Variants in THSD4 observed in about 807,000 individuals in gnomAD.
THSD4 encodes thrombospondin type-1 domain-containing protein 4.
A neutral mutation model predicts 119.0 loss-of-function variants in THSD4; 69 were observed. That is an observed-to-expected ratio of 0.58 (90% confidence interval 0.48 to 0.71). The LOEUF (loss-of-function observed/expected upper bound fraction) is 0.71, where lower values mean the gene tolerates loss of function less well. Among genes scored for constraint, THSD4 ranks in the 30% least tolerant of loss-of-function variants. THSD4 has a pLI of 0.00. For synonymous variants in THSD4, 524 were observed against 540.4 expected (o/e 0.97, Z 0.42); for missense variants, 1,393 against 1,391.1 (o/e 1.00, Z -0.02).
At chr15:71,526,748 A>G (rs1006857527) in intron 7 of THSD4, among the ~76,000 whole-genome samples, 3 of 152,190 alleles carry the variant, frequency 2.0e-5, no homozygotes, top group African/African-American at 7.2e-5. Context: ...TTGTGTAGCA[A>G]TGGCACACAG....
intron 7 of THSD4, among the ~76,000 whole-genome samples, chr15:71,424,207 G>A (rs762858094): frequency 2.6e-5 from 4 of 152,204 alleles, no homozygotes; most frequent in South Asian, 2.1e-4. Flanking sequence ...TAAATTTGGC[G>A]TTCCTGTGTG....
chr15:71,393,404 A>G (rs12910319), intron 6 of THSD4, among the ~76,000 whole-genome samples: 12,892 of 152,068 alleles, frequency 0.085, 694 homozygotes, highest in Non-Finnish European at 0.12. Context: ...CATACTTGCC[A>G]TGTAAATCCA....
At chr15:71,602,809 C>T (rs2050039864) in intron 7 of THSD4, among the ~76,000 whole-genome samples, 1 of 152,120 alleles carries the variant, frequency 6.6e-6, no homozygotes, top group Non-Finnish European at 1.5e-5. Context: ...ATAGTTTTGA[C>T]TGTTGTACCA....
chr15:71,169,947 G>T (rs1333377402), intron 3 of THSD4, among the ~76,000 whole-genome samples: 1 of 152,136 alleles, frequency 6.6e-6, no homozygotes, highest in African/African-American at 2.4e-5. Context: ...GCCAAGGCAG[G>T]CGGATCACCT....
intron 15 of THSD4, among the ~76,000 whole-genome samples, chr15:71,762,711 C>T (rs554089219): frequency 8.5e-5 from 13 of 152,228 alleles, no homozygotes; most frequent in South Asian, 6.2e-4. Flanking sequence ...GGACAAGACA[C>T]GAATACACTC....
chr15:71,539,060 T>G (rs1380535223), intron 7 of THSD4, among the ~76,000 whole-genome samples: 1 of 152,190 alleles, frequency 6.6e-6, no homozygotes, highest in African/African-American at 2.4e-5. Context: ...CAGATAGAAA[T>G]CAGAGAAGGG....
chr15:71,283,838 G>A (rs1331260386), intron 6 of THSD4, among the ~76,000 whole-genome samples: 1 of 152,180 alleles, frequency 6.6e-6, no homozygotes, highest in African/African-American at 2.4e-5. Context: ...TGCTGGGTTT[G>A]GGGGCAAGGG....
chr15:71,607,718 AC>A (rs1271927267), intron 7 of THSD4, among the ~76,000 whole-genome samples: 2 of 152,160 alleles, frequency 1.3e-5, no homozygotes, highest in African/African-American at 4.8e-5. Context: ...AGGTGGACAA[AC>A]ATGAGGGCAT....
chr15:71,655,838 C>T (rs1037584818), intron 7 of THSD4, among the ~76,000 whole-genome samples: 1 of 152,206 alleles, frequency 6.6e-6, no homozygotes, highest in Non-Finnish European at 1.5e-5. Context: ...TCCTGATACA[C>T]AAACCAGAAT....
At chr15:71,488,510 T>C (rs558752895) in intron 7 of THSD4, among the ~76,000 whole-genome samples, 27 of 53,288 alleles carry the variant, frequency 5.1e-4, no homozygotes, top group African/African-American at 1.6e-3. Flanking sequence ...CTGTAAAGTT[T>C]GGTGGAAATC....
intron 6 of THSD4, among the ~76,000 whole-genome samples, chr15:71,315,051 C>A (rs1483280282): frequency 3.3e-5 from 5 of 152,156 alleles, no homozygotes; most frequent in African/African-American, 7.2e-5. Context: ...CCCACTCCCC[C>A]AGGATGACCT....
intron 3 of THSD4, among the ~76,000 whole-genome samples, chr15:71,199,573 AGT>A (rs780682298): frequency 3.5e-3 from 165 of 46,994 alleles, no homozygotes; most frequent in African/African-American, 6.8e-3. Context: ...GTGTGTGTGT[AGT>A]GTGTGTGTGT....
intron 7 of THSD4, among the ~76,000 whole-genome samples, chr15:71,451,488 C>A (rs1286741146): frequency 6.6e-6 from 1 of 152,176 alleles, no homozygotes; most frequent in Non-Finnish European, 1.5e-5. Context: ...TCCCTGCCTG[C>A]ATCTGCTGCT....
At chr15:71,389,416 A>G (rs984372862) in intron 6 of THSD4, among the ~76,000 whole-genome samples, 4 of 151,520 alleles carry the variant, frequency 2.6e-5, no homozygotes, top group Admixed American at 1.3e-4. Context: ...TTCACTTAGC[A>G]CAATCACCTC....
chr15:71,572,927 T>C (rs973037021), intron 7 of THSD4, among the ~76,000 whole-genome samples: 3 of 152,066 alleles, frequency 2.0e-5, no homozygotes, highest in African/African-American at 7.2e-5. Context: ...GAGTTTAAGA[T>C]ACCTGGGAAG....
chr15:71,595,554 A>G (rs2049892475), intron 7 of THSD4, among the ~76,000 whole-genome samples: 1 of 152,148 alleles, frequency 6.6e-6, no homozygotes, highest in Non-Finnish European at 1.5e-5. Flanking sequence ...TTTTGTTCCC[A>G]GTTTCAAATG....
At chr15:71,285,801 C>T (rs1051705966) in intron 6 of THSD4, among the ~76,000 whole-genome samples, 1 of 125,794 alleles carries the variant, frequency 7.9e-6, no homozygotes, top group African/African-American at 3.0e-5. Context: ...TTGCAGTGAG[C>T]CGAAATTGTG....
chr15:71,764,073 A>T lies in THSD4; in HGVS notation c.2590-947A>T, dbSNP rs149111941. On this transcript the variant is annotated intron_variant, in intron 15 of 17. Coordinates refer to ENST00000261862, the MANE Select transcript of THSD4 (RefSeq NM_024817.3). ...CAGAGTGAGATCCTGCCTCAAAAAAAAAATAAATAAATAAAAGAACGAATG... is the reference window on the plus strand; with the variant it reads ...CAGAGTGAGATCCTGCCTCAAAAAATAAATAAATAAATAAAAGAACGAATG... 6.9e-3 allele frequency among the ~76,000 whole-genome samples: 1,051 copies of T among 151,962 alleles called. 13 individuals carry two copies. The highest frequency in any genetic ancestry group is 0.01 in the Middle Eastern group (3 of 294).
At chr15:71,241,242 C>T (rs374694291) in intron 4 of THSD4, among the ~76,000 whole-genome samples, 4 of 152,188 alleles carry the variant, frequency 2.6e-5, no homozygotes, top group African/African-American at 9.7e-5. Flanking sequence ...GCGACCTTGG[C>T]GGTCATTTAA....
Sources: gnomAD v4.1 joint callset for allele counts (sites outside exome capture counted in the v4.1 genomes callset) on GRCh38, gnomAD v4.1.1 for gene constraint, MANE v1.5 for transcripts, NCBI Gene and HGNC (gene_info 2026-07-23, HGNC 2026-07-21) for gene names.